TOR1AIP2: variants seen among roughly 807,000 people sequenced by gnomAD.
TOR1AIP2 encodes the protein torsin 1A interacting protein 2.
A neutral mutation model predicts 32.6 loss-of-function variants in TOR1AIP2; 20 were observed. That is an observed-to-expected ratio of 0.61 (90% CI 0.43 to 0.89). TOR1AIP2 has a LOEUF of 0.89. Among genes scored for constraint, TOR1AIP2 ranks in the 40% least tolerant of loss-of-function variants. The pLI, the probability that TOR1AIP2 is intolerant of heterozygous loss-of-function variation, is 0.00. For synonymous variants in TOR1AIP2, 214 were observed against 210.8 expected (o/e 1.02, Z -0.13); for missense variants, 456 against 553.8 (o/e 0.82, Z 1.77).
At chr1:179,876,307 G>A (rs1647303390) in intron 2 of TOR1AIP2, 1 of 152,098 alleles carries the variant, frequency 6.6e-6, no homozygotes, top group African/African-American at 2.4e-5. Flanking sequence ...CAAATAATTA[G>A]CTACATTCTG....
At chr1:179,869,779 C>T (rs532125956) in intron 2 of TOR1AIP2, among the ~76,000 whole-genome samples, 6 of 151,996 alleles carry the variant, frequency 3.9e-5, no homozygotes, top group Admixed American at 1.3e-4. Context: ...TTTCACATGA[C>T]GCCTTTGTAC....
intron 6 of TOR1AIP2, among the ~76,000 whole-genome samples, chr1:179,847,141 A>G (rs1227969610): frequency 6.6e-6 from 1 of 152,226 alleles, no homozygotes; most frequent in Non-Finnish European, 1.5e-5. Context: ...CTAATGATGT[A>G]ATTTAGACAT....
chr1:179,853,234 T>C (rs1040458786), intron 3 of TOR1AIP2, among the ~76,000 whole-genome samples: 9 of 152,256 alleles, frequency 5.9e-5, no homozygotes, highest in Non-Finnish European at 1.0e-4. Flanking sequence ...CTTTCACTTA[T>C]ATTAAAAAGT....
rs1003114703 is a variant in TOR1AIP2 at position 179,841,007 on chromosome 1, G to A, written c.*5064C>T. 8 of 151,984 alleles carry A rather than the reference G, an allele frequency of 5.3e-5. No individual in the cohort carries two copies. The East Asian group carries it at 9.6e-4, about 18-fold the overall frequency. 9.4% of individuals were successfully genotyped at this position (151,984 alleles called of 1,614,324 possible). A position where few individuals can be genotyped will look rare whatever the true frequency, so the allele number is the denominator to read the frequency against. On this transcript the variant is annotated 3_prime_UTR_variant, in exon 7 of 7. Transcript: ENST00000609928. ...GGCAAATTTAGGCCCACATCATTAG[G>A]TATTTCACAACTTAACACCTAAAAT...
At chr1:179,866,694 C>G (rs1215366129) in intron 2 of TOR1AIP2, among the ~76,000 whole-genome samples, 1 of 152,194 alleles carries the variant, frequency 6.6e-6, no homozygotes, top group Non-Finnish European at 1.5e-5. Flanking sequence ...AGTGAGCCAC[C>G]GTGCCCGGGT....
chr1:179,866,414 G>GT (rs112251036), intron 2 of TOR1AIP2, among the ~76,000 whole-genome samples: 7,923 of 150,846 alleles, frequency 0.053, 310 homozygotes, highest in Non-Finnish European at 0.068. Context: ...ATTCTTGTTT[G>GT]TTTTTTTTTC....
intron 3 of TOR1AIP2, among the ~76,000 whole-genome samples, chr1:179,856,412 C>A (rs899878363): frequency 6.6e-6 from 1 of 152,188 alleles, no homozygotes; most frequent in Non-Finnish European, 1.5e-5. Flanking sequence ...TTGACATACA[C>A]CTTTCCTGTC....
intron 4 of TOR1AIP2, among the ~76,000 whole-genome samples, chr1:179,852,268 AAAAAAAAAAGGAG>A (rs1357864252): frequency 6.6e-6 from 1 of 152,022 alleles, no homozygotes; most frequent in Non-Finnish European, 1.5e-5. Flanking sequence ...TAACATAAAA[AAAAAAAAAAGGAG>A]AAGAAGAGGA....
chr1:179,849,278 ACTCT>A (rs1275428966), intron 5 of TOR1AIP2, among the ~76,000 whole-genome samples: 1 of 152,008 alleles, frequency 6.6e-6, no homozygotes, highest in Non-Finnish European at 1.5e-5. Flanking sequence ...ACAGGGTCTC[ACTCT>A]GTCAACAAGG....
intron 2 of TOR1AIP2, chr1:179,876,161 A>G (rs1460950267): frequency 3.3e-5 from 5 of 152,218 alleles, no homozygotes; most frequent in African/African-American, 1.2e-4. Flanking sequence ...TGGCACTTCA[A>G]AGAAGTGTGG....
intron 3 of TOR1AIP2, chr1:179,861,197 C>G: frequency 2.0e-6 from 2 of 985,424 alleles, no homozygotes; most frequent in Non-Finnish European, 2.4e-6. Context: ...GTAGCTCACA[C>G]TATTTAAAAC....
chr1:179,846,847 A>G lies in TOR1AIP2; in HGVS notation c.656-19T>C. ...ACAGGGCCTGTCAAAAGAATGAAAA[A>G]GGAATAGAAAATTACAGAGAACACG... On this transcript the variant is annotated intron_variant, in intron 6 of 6. Coordinates refer to ENST00000609928, the MANE Select transcript of TOR1AIP2 (RefSeq NM_001199260.2). 1 of 1,563,782 alleles carries G rather than the reference A, an allele frequency of 6.4e-7. No homozygotes were observed.
intron 2 of TOR1AIP2, among the ~76,000 whole-genome samples, chr1:179,871,348 A>G (rs1366529235): frequency 6.6e-6 from 1 of 152,262 alleles, no homozygotes; most frequent in Non-Finnish European, 1.5e-5. Context: ...GAAAATTTAG[A>G]AAAGAAAATA....
chr1:179,863,327 C>G (rs1696631093), intron 3 of TOR1AIP2: 1 of 984,640 alleles, frequency 1.0e-6, no homozygotes, highest in Non-Finnish European at 1.2e-6. Flanking sequence ...GTTTCCCAGG[C>G]TCCCTTGTAA....
chr1:179,868,741 A>G (rs1419074510), intron 2 of TOR1AIP2: 1 of 152,248 alleles, frequency 6.6e-6, no homozygotes, highest in African/African-American at 2.4e-5. Flanking sequence ...GCTTAAAAAA[A>G]AAATGCAAGT....
intron 3 of TOR1AIP2, chr1:179,864,969 G>C: frequency 6.2e-7 from 1 of 1,614,046 alleles, no homozygotes; most frequent in Non-Finnish European, 8.5e-7. Context: ...GCCCACTCAA[G>C]TGGGAAAGAC....
chr1:179,857,654 G>A (rs1326392643), intron 3 of TOR1AIP2, among the ~76,000 whole-genome samples: 3 of 152,132 alleles, frequency 2.0e-5, no homozygotes, highest in Non-Finnish European at 4.4e-5. Context: ...ACATAACCAA[G>A]TTTAGAAGAT....
rs1418412099 is a variant in TOR1AIP2 at position 179,841,528 on chromosome 1, T to C, written c.*4543A>G. On this transcript the variant is annotated 3_prime_UTR_variant, in exon 7 of 7. Transcript: ENST00000609928. ...CATAATTCCTGAAGTAGGAGGATCATCCCCTTGAGGCCAGGAGGTCCAGGC... is the reference window on the plus strand; with the variant it reads ...CATAATTCCTGAAGTAGGAGGATCACCCCCTTGAGGCCAGGAGGTCCAGGC... 1 of 152,144 alleles carries C rather than the reference T, an allele frequency of 6.6e-6. No homozygotes were observed. The highest frequency in any genetic ancestry group is 1.5e-5 in the Non-Finnish European group (1 of 68,022). 9.4% of individuals were successfully genotyped at this position (152,144 alleles called of 1,614,324 possible). A position where few individuals can be genotyped will look rare whatever the true frequency, so the allele number is the denominator to read the frequency against.
At chr1:179,867,865 A>T (rs1696847651) in intron 2 of TOR1AIP2, 1 of 152,202 alleles carries the variant, frequency 6.6e-6, no homozygotes, top group Non-Finnish European at 1.5e-5. Context: ...TGTTTCAGAC[A>T]AGTCTTCCCT....
Sources: gnomAD v4.1 joint callset for allele counts (sites outside exome capture counted in the v4.1 genomes callset) on GRCh38, gnomAD v4.1.1 for gene constraint, MANE v1.5 for transcripts, NCBI Gene and HGNC (gene_info 2026-07-23, HGNC 2026-07-21) for gene names.